PHACTR2: variants seen among roughly 807,000 people sequenced by gnomAD.
The protein encoded by PHACTR2 is chromosome 6 open reading frame 56.
In PHACTR2, 30 loss-of-function variants were observed where a neutral mutation model predicts 76.0. The observed-to-expected ratio is 0.39, with a 90% CI of 0.30 to 0.54. The LOEUF is 0.54. Among genes scored for constraint, PHACTR2 ranks in the 20% least tolerant of loss-of-function variants. PHACTR2 has a pLI of 0.61. For missense variants in PHACTR2, 696 were observed against 781.1 expected (o/e 0.89, Z 1.30); for synonymous variants, 292 against 292.5 (o/e 1.00, Z 0.02).
rs898169045 is a variant in PHACTR2 at position 143,825,885 on chromosome 6, A to C, written c.*2196A>C. On this transcript the variant is annotated 3_prime_UTR_variant, in exon 13 of 13. Transcript: ENST00000440869. This position sits in a 1 kb window ranked among gnomAD's most constrained non-coding sequence, Gnocchi z 4.1. ...TTCCCACTTTTGATGCCTGTGATGC[A>C]ATTTTTTATTGCCTACAATGAGATA... 2.6e-5 allele frequency: 4 copies of C among 152,126 alleles called. No homozygotes were observed. 9.4% of individuals were successfully genotyped at this position (152,126 alleles called of 1,614,324 possible). A position where few individuals can be genotyped will look rare whatever the true frequency, so the allele number is the denominator to read the frequency against.
At position 143,541,895 on chromosome 6, in the gene PHACTR2, G is replaced by A. The variant is rs1584049195; in HGVS notation, c.217+4688G>A. Among the ~76,000 whole-genome samples, 1 of 152,204 alleles carries A rather than the reference G, an allele frequency of 6.6e-6. No homozygotes were observed. Among genetic ancestry groups the A allele is most frequent in the African/African-American group, 2.4e-5 (1 of 41,450 alleles). ...CAAGGTTGTAACTCTTTGAGTTGAT[G>A]CTTTGTGCTCCGAAAGGGTGTCTGG... On this transcript the variant is annotated intron_variant, in intron 1 of 11. Transcript: ENST00000367584. The surrounding 1 kb of genome is among the most constrained non-coding windows in gnomAD (Gnocchi z 5.3).
upstream of PHACTR2, among the ~76,000 whole-genome samples, chr6:143,673,988 T>A (rs1218580203): frequency 6.6e-6 from 1 of 152,198 alleles, no homozygotes; most frequent in Non-Finnish European, 1.5e-5. Context: ...GAATGTGGTC[T>A]TCTACTGATG....
At chr6:143,786,435 C>T (rs2128478961) in intron 10 of PHACTR2, among the ~76,000 whole-genome samples, 1 of 152,344 alleles carries the variant, frequency 6.6e-6, no homozygotes, top group East Asian at 1.9e-4. Flanking sequence ...AACTTTCCCA[C>T]CTTTTCCTAT....
Position 143,671,329 on chromosome 6 carries a change from C to G in PHACTR2, c.14-40687C>G, listed in dbSNP as rs1777150560. On this transcript the variant is annotated intron_variant, in intron 1 of 11. Transcript: ENST00000305766. The surrounding 1 kb of genome is among the most constrained non-coding windows in gnomAD (Gnocchi z 4.6). ...CTATGTACTCCAACCACACCATTTCCCCTGGATTCCTCAAACATATGCCAT... is the reference window on the plus strand; with the variant it reads ...CTATGTACTCCAACCACACCATTTCGCCTGGATTCCTCAAACATATGCCAT... 6.6e-6 allele frequency among the ~76,000 whole-genome samples: 1 copy of G among 152,122 alleles called. No individual in the cohort carries two copies. Among genetic ancestry groups the G allele is most frequent in the South Asian group, 2.1e-4 (1 of 4,826 alleles).
rs1192105984 is a variant in PHACTR2, at chr6:143,611,549, T to C, written c.13+3227T>C. On this transcript the variant is annotated intron_variant, in intron 1 of 11. Transcript: ENST00000305766. The surrounding 1 kb of genome is among the most constrained non-coding windows in gnomAD (Gnocchi z 4.4). The stretch of plus-strand genomic sequence containing the variant: ...TCTATGCATTTAATTTTCTCATTGG[T>C]AAGGGGTGACAATAATGGTACCCAT... Among the ~76,000 whole-genome samples the C allele has an allele frequency of 2.6e-5, 4 of 152,168 alleles. No homozygotes were observed. Among genetic ancestry groups the C allele is most frequent in the Non-Finnish European group, 5.9e-5 (4 of 68,022 alleles).
At chr6:143,651,357 T>G (rs939648984) in intron 1 of PHACTR2, among the ~76,000 whole-genome samples, 3 of 152,106 alleles carry the variant, frequency 2.0e-5, no homozygotes. Context: ...CCCAAAGAAA[T>G]GTAAACCATT....
Position 143,541,015 on chromosome 6 carries a change from C to T in PHACTR2, c.217+3808C>T, listed in dbSNP as rs2128426301. Among the ~76,000 whole-genome samples the T allele has an allele frequency of 6.6e-6, 1 of 152,258 alleles. No homozygotes were observed. The highest frequency in any genetic ancestry group is 2.4e-5 in the African/African-American group (1 of 41,542). ...ACCATAGTGCACTGCAGCCTCAAAC[C>T]CTGAGGCTCAAGGGATCCTGCTGCC... On this transcript the variant is annotated intron_variant, in intron 1 of 11. Transcript: ENST00000367584. This position sits in a 1 kb window ranked among gnomAD's most constrained non-coding sequence, Gnocchi z 5.3.
rs544631577 is a variant in PHACTR2, at chr6:143,816,624, A to G, written c.1923-7050A>G. On this transcript the variant is annotated intron_variant, in intron 12 of 12. Coordinates refer to ENST00000440869, the MANE Select transcript of PHACTR2 (RefSeq NM_001100164.2). The surrounding 1 kb of genome is among the most constrained non-coding windows in gnomAD (Gnocchi z 4.5). ...TGTGTTGGTGGCCTGTGACCTTCCAATGCAATCTAGACTGTGGAACTCACT... is the reference window on the plus strand; with the variant it reads ...TGTGTTGGTGGCCTGTGACCTTCCAGTGCAATCTAGACTGTGGAACTCACT... Among the ~76,000 whole-genome samples the G allele has an allele frequency of 2.6e-5, 4 of 152,054 alleles. No homozygotes were observed. Among genetic ancestry groups the G allele is most frequent in the Admixed American group, 1.3e-4 (2 of 15,276 alleles).
Position 143,742,107 on chromosome 6 carries a change from A to G in PHACTR2, c.215-6878A>G, listed in dbSNP as rs1276212720. 6.7e-6 allele frequency among the ~76,000 whole-genome samples: 1 copy of G among 150,286 alleles called. No individual in the cohort carries two copies. Among genetic ancestry groups the G allele is most frequent in the Non-Finnish European group, 1.5e-5 (1 of 67,420 alleles). ...GTGACAAGAGTGAAACTCCATCTCAAAAAAAAAAAACAACAACATTTATTT... is the reference window on the plus strand; with the variant it reads ...GTGACAAGAGTGAAACTCCATCTCAGAAAAAAAAAACAACAACATTTATTT... On this transcript the variant is annotated intron_variant, in intron 2 of 12. Coordinates refer to ENST00000440869, the MANE Select transcript of PHACTR2 (RefSeq NM_001100164.2). This position sits in a 1 kb window ranked among gnomAD's most constrained non-coding sequence, Gnocchi z 4.5.
Position 143,765,748 on chromosome 6 carries a change from C to A in PHACTR2, c.1182C>A (p.Thr394=), listed in dbSNP as rs755582503. 6.2e-7 allele frequency: 1 copy of A among 1,614,070 alleles called. No individual in the cohort carries two copies. Among genetic ancestry groups the A allele is most frequent in the African/African-American group, 1.3e-5 (1 of 74,934 alleles). ...GGGCTGAAGAGCCGACGAACAGAACCACTCTCTACTCAGGCACTGGCTTAA... is the reference window on the plus strand; with the variant it reads ...GGGCTGAAGAGCCGACGAACAGAACAACTCTCTACTCAGGCACTGGCTTAA... The part of the protein sequence containing the change: ...LLWAEEPTNR[T]TLYSGTGLSV... Residue 394 remains threonine, a synonymous_variant, in exon 6 of 13, where the codon ACC becomes ACA. Coordinates refer to ENST00000440869, the MANE Select transcript of PHACTR2 (RefSeq NM_001100164.2). This position sits in a 1 kb window ranked among gnomAD's most constrained non-coding sequence, Gnocchi z 4.1.
At chr6:143,756,833 A>C (rs1221062402) in intron 4 of PHACTR2, among the ~76,000 whole-genome samples, 1 of 152,200 alleles carries the variant, frequency 6.6e-6, no homozygotes, top group Non-Finnish European at 1.5e-5. Flanking sequence ...AGATCAGCTG[A>C]GGTCAGGAGT....
chr6:143,668,970 C>T (rs932668520), intron 1 of PHACTR2, among the ~76,000 whole-genome samples: 3 of 152,038 alleles, frequency 2.0e-5, no homozygotes, highest in South Asian at 2.1e-4. Context: ...GTTAGGGTGT[C>T]GATTTTAGAT....
In PHACTR2 at chr6:143,760,293, C is replaced by A; in HGVS notation, c.455-108C>A. On this transcript the variant is annotated intron_variant, in intron 4 of 12. Transcript: ENST00000440869. This position sits in a 1 kb window ranked among gnomAD's most constrained non-coding sequence, Gnocchi z 6.4. ...TGGTGCAGAACTCCATGCTGATTCTCAAGTACCAAGCAGACACGCTTTGTG... is the reference window on the plus strand; with the variant it reads ...TGGTGCAGAACTCCATGCTGATTCTAAAGTACCAAGCAGACACGCTTTGTG... 2 of 989,564 alleles carry A rather than the reference C, an allele frequency of 2.0e-6. No individual in the cohort carries two copies. Among genetic ancestry groups the A allele is most frequent in the South Asian group, 1.6e-5 (1 of 60,748 alleles). 61.3% of individuals were successfully genotyped at this position (989,564 alleles called of 1,614,324 possible).
rs1262241257 is a variant in PHACTR2 at position 143,679,359 on chromosome 6, A to G, written c.46+1150A>G. On this transcript the variant is annotated intron_variant, in intron 1 of 12. Transcript: ENST00000440869. This position sits in a 1 kb window ranked among gnomAD's most constrained non-coding sequence, Gnocchi z 4.6. ...AGAATCAGAATATACCTTCTTTACC[A>G]TTAATGACATGGCTACAGCTCTGAA... 6.6e-6 allele frequency among the ~76,000 whole-genome samples: 1 copy of G among 152,200 alleles called. No individual in the cohort carries two copies.
rs1777598761 is a variant in PHACTR2, at chr6:143,689,724, GC to G, written c.46+11516del. 7.1e-6 allele frequency among the ~76,000 whole-genome samples: 1 copy of G among 141,768 alleles called. No homozygotes were observed. Among genetic ancestry groups the G allele is most frequent in the Admixed American group, 7.2e-5 (1 of 13,846 alleles). The allele number at this position is 141,768 out of a possible 152,430, so 93.0% of individuals were successfully genotyped here. ...TTTTTTTTTTTTGAGATGGAGTGTC[GC>G]TCTGTTGCCCAGGCTGGAGTGCAGT... On this transcript the variant is annotated intron_variant, in intron 1 of 12. Coordinates refer to ENST00000440869, the MANE Select transcript of PHACTR2 (RefSeq NM_001100164.2). This position sits in a 1 kb window ranked among gnomAD's most constrained non-coding sequence, Gnocchi z 4.4.
At chr6:143,676,107 T>C (rs1777240437), upstream of PHACTR2, among the ~76,000 whole-genome samples, 1 of 152,228 alleles carries the variant, frequency 6.6e-6, no homozygotes, top group Non-Finnish European at 1.5e-5. The surrounding 1 kb of genome is among the most constrained non-coding windows in gnomAD (Gnocchi z 4.8). Context: ...CAGTTTTGGT[T>C]GACATGCTTC....
Position 143,709,490 on chromosome 6 carries a change from A to G in PHACTR2, c.47-2526A>G, listed in dbSNP as rs916047912. Among the ~76,000 whole-genome samples the G allele has an allele frequency of 6.6e-6, 1 of 152,176 alleles. No homozygotes were observed. Among genetic ancestry groups the G allele is most frequent in the South Asian group, 2.1e-4 (1 of 4,820 alleles). ...AGTGTGTCAAGTGATTTTCGATGGA[A>G]ACTTGGACATTTTTGTATTATGTTA... On this transcript the variant is annotated intron_variant, in intron 1 of 12. Coordinates refer to ENST00000440869, the MANE Select transcript of PHACTR2 (RefSeq NM_001100164.2). The surrounding 1 kb of genome is among the most constrained non-coding windows in gnomAD (Gnocchi z 4.4).
rs1453203349 is a variant in PHACTR2, at chr6:143,664,601, T to G, written c.14-47415T>G. Reference sequence around the variant, plus strand: ...AACAGTTACTTTTTCTAACAAAGTTTAAAATTATTTAGTACATATATCTTT... The same window carrying G: ...AACAGTTACTTTTTCTAACAAAGTTGAAAATTATTTAGTACATATATCTTT... On this transcript the variant is annotated intron_variant, in intron 1 of 11. Coordinates refer to the PHACTR2 transcript ENST00000305766. The surrounding 1 kb of genome is among the most constrained non-coding windows in gnomAD (Gnocchi z 5.1). 6.6e-6 allele frequency among the ~76,000 whole-genome samples: 1 copy of G among 152,162 alleles called. No homozygotes were observed. Among genetic ancestry groups the G allele is most frequent in the Non-Finnish European group, 1.5e-5 (1 of 68,020 alleles).
intron 1 of PHACTR2, among the ~76,000 whole-genome samples, chr6:143,637,853 T>C (rs1776489038): frequency 6.6e-6 from 1 of 152,224 alleles, no homozygotes; most frequent in Non-Finnish European, 1.5e-5. Context: ...CGTGATAACA[T>C]AGTCATGGGA....
Sources: allele counts gnomAD v4.1 joint callset (sites outside exome capture counted in the v4.1 genomes callset), GRCh38; gene constraint gnomAD v4.1.1; non-coding constraint Gnocchi (gnomAD v3.1); transcripts MANE v1.5; gene names NCBI Gene and HGNC (gene_info 2026-07-23, HGNC 2026-07-21).